TCF4: variants seen among roughly 807,000 people sequenced by gnomAD.
TCF4 encodes SL3-3 enhancer factor 2.
TCF4 carries 3 observed loss-of-function variants against 82.1 expected under a neutral mutation model. The observed-to-expected ratio is 0.04, with a 90% CI of 0.02 to 0.09. TCF4 has a LOEUF of 0.09. TCF4 is among the 10% of genes least tolerant of loss of function. TCF4 has a pLI of 1.00. For missense variants in TCF4, 518 were observed against 852.7 expected (o/e 0.61, Z 4.89); for synonymous variants, 276 against 309.6 (o/e 0.89, Z 1.14).
At chr18:55,330,151 C>T (rs1419083238) in intron 8 of TCF4, among the ~76,000 whole-genome samples, 1 of 151,372 alleles carries the variant, frequency 6.6e-6, no homozygotes, top group South Asian at 2.1e-4. Flanking sequence ...TGGGCTGTGA[C>T]CTTCAAACTT....
At chr18:55,590,293 T>C (rs2097682691), upstream of TCF4, among the ~76,000 whole-genome samples, 2 of 152,324 alleles carry the variant, frequency 1.3e-5, no homozygotes, top group South Asian at 2.1e-4. Context: ...AAAAGGCCTC[T>C]GGGCCAAGTT....
chr18:55,388,680 C>T (rs2092806575), intron 6 of TCF4, among the ~76,000 whole-genome samples: 2 of 152,160 alleles, frequency 1.3e-5, no homozygotes, highest in South Asian at 4.1e-4. Flanking sequence ...CACAAAGCTA[C>T]ACCAACTTTA....
chr18:55,571,762 GTTTTGT>G (rs2097472329), intron 3 of TCF4, among the ~76,000 whole-genome samples: 1 of 147,140 alleles, frequency 6.8e-6, no homozygotes, highest in Non-Finnish European at 1.5e-5. Context: ...GTTATTATAT[GTTTTGT>G]TTTTAATTAT....
At chr18:55,259,327 A>T (rs2057542024) in intron 13 of TCF4, among the ~76,000 whole-genome samples, 1 of 152,072 alleles carries the variant, frequency 6.6e-6, no homozygotes, top group Non-Finnish European at 1.5e-5. Flanking sequence ...TCTTAAACGG[A>T]CCCCTGAAAA....
chr18:55,307,346 AC>A (rs1488829325), intron 8 of TCF4, among the ~76,000 whole-genome samples: 2 of 152,226 alleles, frequency 1.3e-5, no homozygotes, highest in Non-Finnish European at 2.9e-5. Flanking sequence ...GTAAACCCAA[AC>A]GTCAATGGTA....
rs567447899 is a variant in TCF4 at position 55,285,183 on chromosome 18, G to A, written c.550-5527C>T. Among the ~76,000 whole-genome samples the A allele has an allele frequency of 3.3e-5, 5 of 152,252 alleles. No individual in the cohort carries two copies. The South Asian group carries it at 6.2e-4, about 19-fold the overall frequency. ...GATGTACTCAGAAGACACAGCATCC[G>A]GACAGTACATACACAGATTTGGCAG... On this transcript the variant is annotated intron_variant, in intron 8 of 19. Coordinates refer to ENST00000354452, the MANE Select transcript of TCF4 (RefSeq NM_001083962.2).
At chr18:55,369,183 C>T (rs2088172517) in intron 6 of TCF4, among the ~76,000 whole-genome samples, 1 of 152,002 alleles carries the variant, frequency 6.6e-6, no homozygotes, top group Admixed American at 6.6e-5. Flanking sequence ...TGAATAAGTA[C>T]AAAAAGTTTG....
intron 3 of TCF4, among the ~76,000 whole-genome samples, chr18:55,531,118 A>AT (rs2097058523): frequency 6.6e-6 from 1 of 151,518 alleles, no homozygotes; most frequent in Non-Finnish European, 1.5e-5. Flanking sequence ...CACCCAGCTA[A>AT]TTTTTTTGTA....
intron 8 of TCF4, among the ~76,000 whole-genome samples, chr18:55,305,635 T>C (rs1211122130): frequency 6.6e-6 from 1 of 152,180 alleles, no homozygotes; most frequent in Non-Finnish European, 1.5e-5. Context: ...ACAAGAATGG[T>C]ATATACACTT....
chr18:55,623,188 T>C (rs139056961), intron 2 of TCF4, among the ~76,000 whole-genome samples: 8 of 152,312 alleles, frequency 5.3e-5, no homozygotes, highest in African/African-American at 1.7e-4. Flanking sequence ...TGGATGATTA[T>C]AATAATGTGT....
At chr18:55,339,660 C>T (rs1194267711) in intron 8 of TCF4, among the ~76,000 whole-genome samples, 2 of 152,094 alleles carry the variant, frequency 1.3e-5, no homozygotes, top group African/African-American at 4.8e-5. Flanking sequence ...ATGTGGAGAC[C>T]ACGCTTCCGC....
chr18:55,434,819 T>TA (rs1303458664), intron 5 of TCF4, among the ~76,000 whole-genome samples: 5 of 148,512 alleles, frequency 3.4e-5, no homozygotes, highest in Non-Finnish European at 7.5e-5. Flanking sequence ...TGTAGGTACA[T>TA]AGTGGGTATA....
chr18:55,559,697 T>C (rs1434340657), intron 3 of TCF4, among the ~76,000 whole-genome samples: 1 of 152,068 alleles, frequency 6.6e-6, no homozygotes, highest in Non-Finnish European at 1.5e-5. Context: ...AGTGCCTTGA[T>C]TTGGGCTCCA....
chr18:55,325,155 C>T lies in TCF4; in HGVS notation c.549+25204G>A, dbSNP rs150778290. On this transcript the variant is annotated intron_variant, in intron 8 of 19. Transcript: ENST00000354452. ...AGAATAAGTAAATATTCAGAATCTA[C>T]ATCACTTGAATGAAGAGCTATATTC... Among the ~76,000 whole-genome samples the T allele has an allele frequency of 2.2e-4, 33 of 152,244 alleles. No individual in the cohort carries two copies. In the East Asian group the frequency reaches 5.6e-3, roughly 26 times the overall value.
chr18:55,441,568 C>T (rs1330356848), intron 5 of TCF4, among the ~76,000 whole-genome samples: 1 of 152,120 alleles, frequency 6.6e-6, no homozygotes, highest in Non-Finnish European at 1.5e-5. Flanking sequence ...CCAATATTAG[C>T]TTTTCTCAAA....
At chr18:55,584,254 T>C (rs1006270985) in intron 3 of TCF4, among the ~76,000 whole-genome samples, 1 of 152,300 alleles carries the variant, frequency 6.6e-6, no homozygotes. Flanking sequence ...ATTATATTCA[T>C]AGTTGACAGA....
chr18:55,410,477 T>C (rs1254824022), intron 5 of TCF4, among the ~76,000 whole-genome samples: 1 of 152,058 alleles, frequency 6.6e-6, no homozygotes, highest in Non-Finnish European at 1.5e-5. Flanking sequence ...TAATGCACTA[T>C]CTCGCATGCA....
At chr18:55,590,322 G>A (rs899312552), upstream of TCF4, among the ~76,000 whole-genome samples, 1 of 152,168 alleles carries the variant, frequency 6.6e-6, no homozygotes, top group African/African-American at 2.4e-5. Context: ...GCTGGAAGAG[G>A]GATGTGGGTC....
In TCF4 at chr18:55,632,069, C is replaced by T. The variant is rs117286999; in HGVS notation, c.196-681G>A. Among the ~76,000 whole-genome samples, 18 of 152,234 alleles carry T rather than the reference C, an allele frequency of 1.2e-4. No homozygotes were observed. In the East Asian group the frequency reaches 2.3e-3, roughly 20 times the overall value. On this transcript the variant is annotated intron_variant, in intron 1 of 20. Coordinates refer to the TCF4 transcript ENST00000398339. Reference sequence around the variant, plus strand: ...TTTGTTTTGTTTTGAAACGTAGTCTCGCTCTGTGGCCCAGGCTGGAGTGCA... The same window carrying T: ...TTTGTTTTGTTTTGAAACGTAGTCTTGCTCTGTGGCCCAGGCTGGAGTGCA...
Sources: gnomAD v4.1 joint callset for allele counts (sites outside exome capture counted in the v4.1 genomes callset) on GRCh38, gnomAD v4.1.1 for gene constraint, MANE v1.5 for transcripts, NCBI Gene and HGNC (gene_info 2026-07-23, HGNC 2026-07-21) for gene names.